GOLGA7B: variants seen among roughly 807,000 people sequenced by gnomAD.
GOLGA7B encodes golgin subfamily A member 7B.
Under a neutral mutation model 21.5 loss-of-function variants are expected in GOLGA7B, and 17 were observed. The ratio of observed to expected loss-of-function variants is 0.79; its 90% CI spans 0.54 to 1.19. The LOEUF (loss-of-function observed/expected upper bound fraction) is 1.19. Among genes scored for constraint, GOLGA7B ranks in the 50% most tolerant of loss-of-function variants. The probability of loss-of-function intolerance (pLI) is 0.00; values close to 1 mark genes in which losing one functional copy is unlikely to be tolerated. For missense variants in GOLGA7B, 169 were observed against 224.4 expected (o/e 0.75, Z 1.58); for synonymous variants, 87 against 84.0 (o/e 1.04, Z -0.19).
intron 1 of GOLGA7B, among the ~76,000 whole-genome samples, chr10:97,857,872 T>C (rs2049946260): frequency 6.6e-6 from 1 of 152,206 alleles, no homozygotes; most frequent in African/African-American, 2.4e-5. Context: ...CCAACTGATC[T>C]TTAACACAGT....
chr10:97,871,087 C>T lies in GOLGA7B; in HGVS notation c.*5387C>T, dbSNP rs557251837. Reference sequence around the variant, plus strand: ...TCAGAGCCCAGCCTTCGGAGGTTTCCGCATGAGCCTTCTCGGGCGACTTCT... The same window carrying T: ...TCAGAGCCCAGCCTTCGGAGGTTTCTGCATGAGCCTTCTCGGGCGACTTCT... On this transcript the variant is annotated 3_prime_UTR_variant, in exon 5 of 5. Transcript: ENST00000370602. 1.5e-4 allele frequency: 23 copies of T among 152,314 alleles called. No individual in the cohort carries two copies. Among genetic ancestry groups the T allele is most frequent in the Admixed American group, 5.9e-4 (9 of 15,302 alleles). The allele number at this position is 152,314 out of a possible 1,614,324, so 9.4% of individuals were successfully genotyped here.
intron 4 of GOLGA7B, 106 bp from the exon 5 acceptor site, chr10:97,865,484 A>T: frequency 6.5e-7 from 1 of 1,548,234 alleles, no homozygotes; most frequent in Non-Finnish European, 8.8e-7. Context: ...TCTAGGCAGC[A>T]GCACAAGCCC....
chr10:97,864,105 G>T, intron 3 of GOLGA7B, 23 bp downstream of exon 3: 1 of 1,614,020 alleles, frequency 6.2e-7, no homozygotes, highest in Non-Finnish European at 8.5e-7. Flanking sequence ...GCCCCACCGT[G>T]CATCCCTTCC....
At position 97,866,369 on chromosome 10, in the gene GOLGA7B, C is replaced by G. The variant is rs1157423702; in HGVS notation, c.*669C>G. On this transcript the variant is annotated 3_prime_UTR_variant, in exon 5 of 5. Coordinates refer to ENST00000370602, the MANE Select transcript of GOLGA7B (RefSeq NM_001010917.3). ...GCATCCAACTTTGAGACTTTGCAGG[C>G]TGCCAGGTGCTGGTTGGGGGGCACA... 2 of 152,262 alleles carry G rather than the reference C, an allele frequency of 1.3e-5. No individual in the cohort carries two copies. The highest frequency in any genetic ancestry group is 4.8e-5 in the African/African-American group (2 of 41,450). The allele number at this position is 152,262 out of a possible 1,614,324, so 9.4% of individuals were successfully genotyped here. A position where few individuals can be genotyped will look rare whatever the true frequency, so the allele number is the denominator to read the frequency against.
At position 97,869,459 on chromosome 10, in the gene GOLGA7B, C is replaced by T. The variant is rs898350977; in HGVS notation, c.*3759C>T. On this transcript the variant is annotated 3_prime_UTR_variant, in exon 5 of 5. Transcript: ENST00000370602. ...AGGAGCAGCTCCAGCCTCAGCCAGACTGTCCCCGAGGTCCCAAGTGAGGCC... is the reference window on the plus strand; with the variant it reads ...AGGAGCAGCTCCAGCCTCAGCCAGATTGTCCCCGAGGTCCCAAGTGAGGCC... 1 of 152,748 alleles carries T rather than the reference C, an allele frequency of 6.5e-6. No individual in the cohort carries two copies. The highest frequency in any genetic ancestry group is 1.9e-4 in the East Asian group (1 of 5,200). The allele number at this position is 152,748 out of a possible 1,614,324, so 9.5% of individuals were successfully genotyped here.
chr10:97,865,803 GC>G lies in GOLGA7B; in HGVS notation c.*104del. ...CACCCGCTTCTGAGTCATTCTTTGGGCTCACCCTGCTGCCCGGGGTGGGAGG... is the reference window on the plus strand; with the variant it reads ...CACCCGCTTCTGAGTCATTCTTTGGGTCACCCTGCTGCCCGGGGTGGGAGG... On this transcript the variant is annotated 3_prime_UTR_variant, in exon 5 of 5. Coordinates refer to ENST00000370602, the MANE Select transcript of GOLGA7B (RefSeq NM_001010917.3). 6 of 1,137,928 alleles carry G rather than the reference GC, an allele frequency of 5.3e-6. No homozygotes were observed. Among genetic ancestry groups the G allele is most frequent in the Middle Eastern group, 3.2e-4 (1 of 3,112 alleles). The allele number at this position is 1,137,928 out of a possible 1,614,324, so 70.5% of individuals were successfully genotyped here. A position where few individuals can be genotyped will look rare whatever the true frequency, so the allele number is the denominator to read the frequency against.
intron 4 of GOLGA7B, 157 bp from the exon 5 acceptor site, chr10:97,865,433 C>T: frequency 7.7e-7 from 1 of 1,303,136 alleles, no homozygotes. Flanking sequence ...CATGGATGGG[C>T]TTGGGGAGGG....
chr10:97,859,709 T>A (rs1590161306), intron 2 of GOLGA7B, 126 bp downstream of exon 2: 1 of 905,482 alleles, frequency 1.1e-6, no homozygotes, highest in East Asian at 2.7e-5. Flanking sequence ...GTTTGGCCAC[T>A]TCAAAAGGAT....
chr10:97,852,207 T>C (rs1403074271), intron 1 of GOLGA7B, among the ~76,000 whole-genome samples: 1 of 152,202 alleles, frequency 6.6e-6, no homozygotes, highest in African/African-American at 2.4e-5. Flanking sequence ...GCCAGTGCTT[T>C]TTTTTCCTGC....
chr10:97,868,874 G>A lies in GOLGA7B; in HGVS notation c.*3174G>A, dbSNP rs996763105. 2.0e-5 allele frequency: 3 copies of A among 152,030 alleles called. No individual in the cohort carries two copies. The highest frequency in any genetic ancestry group is 6.5e-5 in the Admixed American group (1 of 15,278). 9.4% of individuals were successfully genotyped at this position (152,030 alleles called of 1,614,324 possible). A position where few individuals can be genotyped will look rare whatever the true frequency, so the allele number is the denominator to read the frequency against. ...AATCATAATAATAATAGTAGCTGAC[G>A]TTTATTTAGCACTTCCTATGTGCCA... On this transcript the variant is annotated 3_prime_UTR_variant, in exon 5 of 5. Coordinates refer to ENST00000370602, the MANE Select transcript of GOLGA7B (RefSeq NM_001010917.3).
rs2050090828 is a variant in GOLGA7B at position 97,871,286 on chromosome 10, G to C, written c.*5586G>C. On this transcript the variant is annotated 3_prime_UTR_variant, in exon 5 of 5. Transcript: ENST00000370602. ...TGAATCAGGGACAATGGAGGAAGTG[G>C]GAAACTGTGAAGAGAGTCAGAGGGC... is the stretch of plus-strand genomic sequence containing the variant. 6.6e-6 allele frequency: 1 copy of C among 152,154 alleles called. No homozygotes were observed. The highest frequency in any genetic ancestry group is 1.5e-5 in the Non-Finnish European group (1 of 68,028). 9.4% of individuals were successfully genotyped at this position (152,154 alleles called of 1,614,324 possible). A position where few individuals can be genotyped will look rare whatever the true frequency, so the allele number is the denominator to read the frequency against.
intron 3 of GOLGA7B, 37 bp downstream of exon 3, chr10:97,864,119 A>G (rs1469471636): frequency 1.9e-6 from 3 of 1,614,042 alleles, no homozygotes; most frequent in African/African-American, 2.7e-5. Flanking sequence ...CCCTTCCCTC[A>G]GGGCTGCCCT....
At chr10:97,850,992 C>T (rs1439556453) in intron 1 of GOLGA7B, among the ~76,000 whole-genome samples, 1 of 151,876 alleles carries the variant, frequency 6.6e-6, no homozygotes, top group African/African-American at 2.4e-5. Flanking sequence ...GGCCTGTTAG[C>T]TAAGGGCAGA....
rs1024370569 is a variant in GOLGA7B, at chr10:97,866,017, C to G, written c.*317C>G. The stretch of plus-strand genomic sequence containing the variant: ...AGAACACAACCTAGGCGGCCCCTCT[C>G]TTCCACAGCCCCTCTCCCAACCCTG... On this transcript the variant is annotated 3_prime_UTR_variant, in exon 5 of 5. Coordinates refer to ENST00000370602, the MANE Select transcript of GOLGA7B (RefSeq NM_001010917.3). 2.7e-5 allele frequency: 10 copies of G among 369,366 alleles called. No homozygotes were observed. The highest frequency in any genetic ancestry group is 1.8e-4 in the African/African-American group (9 of 49,120). 22.9% of individuals were successfully genotyped at this position (369,366 alleles called of 1,614,324 possible).
rs2050046897 is a variant in GOLGA7B, at chr10:97,867,860, G to GAAC, written c.*2161_*2163dup. 1.3e-5 allele frequency: 2 copies of GAAC among 152,322 alleles called. No homozygotes were observed. Among genetic ancestry groups the GAAC allele is most frequent in the Non-Finnish European group, 2.9e-5 (2 of 68,092 alleles). The allele number at this position is 152,322 out of a possible 1,614,324, so 9.4% of individuals were successfully genotyped here. On this transcript the variant is annotated 3_prime_UTR_variant, in exon 5 of 5. Coordinates refer to ENST00000370602, the MANE Select transcript of GOLGA7B (RefSeq NM_001010917.3). ...CTGGACCTGACATGGGGAGCAGGAT[G>GAAC]AACTCTGTCTTCTTGGAGCTTGCAG...
chr10:97,866,033 C>A lies in GOLGA7B; in HGVS notation c.*333C>A, dbSNP rs535883681. ...GGCCCCTCTCTTCCACAGCCCCTCTCCCAACCCTGCGAGGGGGGCCGAGGC... is the reference window on the plus strand; with the variant it reads ...GGCCCCTCTCTTCCACAGCCCCTCTACCAACCCTGCGAGGGGGGCCGAGGC... On this transcript the variant is annotated 3_prime_UTR_variant, in exon 5 of 5. Coordinates refer to ENST00000370602, the MANE Select transcript of GOLGA7B (RefSeq NM_001010917.3). 4.2e-5 allele frequency: 14 copies of A among 336,704 alleles called. No homozygotes were observed. Among genetic ancestry groups the A allele is most frequent in the African/African-American group, 2.5e-4 (12 of 48,184 alleles). The allele number at this position is 336,704 out of a possible 1,614,324, so 20.9% of individuals were successfully genotyped here.
chr10:97,856,416 A>G (rs1313858083), intron 1 of GOLGA7B, among the ~76,000 whole-genome samples: 5 of 152,134 alleles, frequency 3.3e-5, no homozygotes, highest in African/African-American at 1.2e-4. Context: ...TGACTTTATT[A>G]TTTTGTATGG....
At chr10:97,863,861 C>A (rs1170798300) in intron 2 of GOLGA7B, 69 bp from the exon 3 acceptor site, 8 of 1,505,912 alleles carry the variant, frequency 5.3e-6, no homozygotes, top group Non-Finnish European at 7.2e-6. Context: ...ATTGTCACTT[C>A]CAGCCCTACC....
In GOLGA7B at chr10:97,863,932, C is replaced by A. The variant is rs758688652; in HGVS notation, c.141C>A (p.Ile47=). ...TKFPPELDSR[I]ERQLFEETVK... Reference sequence around the variant, plus strand: ...CCTGGCTCTGTCCCTTTCTCCAGATCGAGCGGCAGCTCTTTGAAGAGACTG... The same window carrying A: ...CCTGGCTCTGTCCCTTTCTCCAGATAGAGCGGCAGCTCTTTGAAGAGACTG... The change falls in exon 3 of 5, where the codon ATC becomes ATA. Residue 47 remains isoleucine (I), a splice_region_variant and synonymous_variant. Transcript: ENST00000370602. 3 of 1,610,548 alleles carry A rather than the reference C, an allele frequency of 1.9e-6. No homozygotes were observed. The highest frequency in any genetic ancestry group is 1.1e-5 in the South Asian group (1 of 90,252).
Sources: allele counts gnomAD v4.1 joint callset (sites outside exome capture counted in the v4.1 genomes callset), GRCh38; gene constraint gnomAD v4.1.1; transcripts MANE v1.5; gene names NCBI Gene and HGNC (gene_info 2026-07-23, HGNC 2026-07-21).